NPHP1: variants seen among roughly 807,000 people sequenced by gnomAD.
NPHP1 encodes the protein nephrocystin 1, also known as nephrocystin-1.
A neutral mutation model predicts 90.4 loss-of-function variants in NPHP1; 70 were observed. The observed-to-expected ratio is 0.77, with a 90% CI of 0.64 to 0.95. The LOEUF (loss-of-function observed/expected upper bound fraction) is 0.95. Among genes scored for constraint, NPHP1 ranks in the 40% least tolerant of loss-of-function variants. The pLI is 0.00. For missense variants in NPHP1, 764 were observed against 795.9 expected (o/e 0.96, Z 0.48); for synonymous variants, 256 against 271.7 (o/e 0.94, Z 0.57).
intron 4 of NPHP1, among the ~76,000 whole-genome samples, chr2:110,177,659 T>C (rs934691724): frequency 6.6e-6 from 1 of 152,154 alleles, no homozygotes; most frequent in African/African-American, 2.4e-5. Flanking sequence ...AATACTCAAC[T>C]TGTATATGTA....
chr2:110,179,724 T>C (rs1683756902), intron 2 of NPHP1, 40 bp from the exon 3 acceptor site: 1 of 923,168 alleles, frequency 1.1e-6, no homozygotes, highest in Non-Finnish European at 1.7e-6. Flanking sequence ...GATTTTTCTA[T>C]TATCAGAACC....
chr2:110,128,675 A>G (rs760509111), intron 18 of NPHP1: 1 of 166,396 alleles, frequency 6.0e-6, no homozygotes, highest in Non-Finnish European at 1.3e-5. Context: ...CCTTGCATGC[A>G]TGCAGCTCTT....
intron 11 of NPHP1, among the ~76,000 whole-genome samples, chr2:110,158,222 C>T (rs139744320): frequency 5.9e-5 from 9 of 152,104 alleles, no homozygotes; most frequent in East Asian, 5.8e-4. Flanking sequence ...GACCCAGGAC[C>T]GTCTATATTG....
At chr2:110,204,835 C>T in intron 1 of NPHP1, 65 bp downstream of exon 1, 1 of 1,535,786 alleles carries the variant, frequency 6.5e-7, no homozygotes, top group Non-Finnish European at 9.0e-7. Flanking sequence ...GGTGGGAAGG[C>T]GCAGTGCGCG....
intron 2 of NPHP1, among the ~76,000 whole-genome samples, chr2:110,200,362 G>A (rs1374925565): frequency 2.6e-5 from 4 of 152,080 alleles, no homozygotes; most frequent in Admixed American, 6.6e-5. Flanking sequence ...TCAGGAGTTC[G>A]AAACCAGCCT....
At chr2:110,192,496 A>G (rs1684827303) in intron 2 of NPHP1, among the ~76,000 whole-genome samples, 1 of 152,176 alleles carries the variant, frequency 6.6e-6, no homozygotes, top group Admixed American at 6.5e-5. Flanking sequence ...TCCAAGAAAT[A>G]TGGGACTATG....
chr2:110,137,348 C>T (rs1338871432), intron 16 of NPHP1, among the ~76,000 whole-genome samples: 20 of 152,102 alleles, frequency 1.3e-4, no homozygotes, highest in East Asian at 5.8e-4. Flanking sequence ...CTAAAGAGCT[C>T]CTGCACAGCA....
intron 15 of NPHP1, chr2:110,144,076 T>A (rs1680839653): frequency 3.2e-6 from 1 of 313,716 alleles, no homozygotes; most frequent in Non-Finnish European, 6.0e-6. Context: ...TCTGTCTTGC[T>A]CTTCATTCTC....
intron 6 of NPHP1, 92 bp from the exon 7 acceptor site, chr2:110,165,247 A>T (rs1682645917): frequency 1.0e-6 from 1 of 971,856 alleles, no homozygotes; most frequent in African/African-American, 1.6e-5. Flanking sequence ...CTCCAGTAAA[A>T]ACAAAAACAA....
intron 1 of NPHP1, 66 bp downstream of exon 1, chr2:110,204,831 AAGG>A: frequency 6.6e-7 from 1 of 1,524,668 alleles, no homozygotes; most frequent in Non-Finnish European, 9.1e-7. Flanking sequence ...TCACGGTGGG[AAGG>A]CGCAGTGCGC....
chr2:110,146,777 G>A lies in NPHP1; in HGVS notation c.1328C>T (p.Ala443Val). The A allele has an allele frequency of 6.2e-7, 1 of 1,612,572 alleles. No homozygotes were observed. Among genetic ancestry groups the A allele is most frequent in the Non-Finnish European group, 8.5e-7 (1 of 1,178,652 alleles). The change falls in exon 14 of 20, where the codon GCC becomes GTC. Residue 443 changes from alanine (A) to valine (V), a missense_variant. Coordinates refer to ENST00000445609, the MANE Select transcript of NPHP1 (RefSeq NM_001128178.3). Reference protein sequence around the residue: ...CGWVFLKLFDASGVPIPAKTY... With the variant: ...CGWVFLKLFDVSGVPIPAKTY... ...CTTTGCTGGAATAGGAACTCCACTG[G>A]CATCAAAAAGTTTAAGAAACACCCA...
chr2:110,164,432 A>T (rs1425860659), intron 8 of NPHP1: 4 of 756,890 alleles, frequency 5.3e-6, no homozygotes, highest in Non-Finnish European at 9.4e-6. Context: ...AGCAGGATCA[A>T]TGAGAATGTT....
intron 2 of NPHP1, chr2:110,184,377 G>A (rs1043637084): frequency 3.6e-5 from 22 of 611,942 alleles, no homozygotes; most frequent in East Asian, 2.2e-4. Flanking sequence ...GGAGCATCTC[G>A]TGCTCCTCAC....
chr2:110,184,252 A>AAGGG (rs1334842729), intron 2 of NPHP1: 4 of 583,730 alleles, frequency 6.9e-6, no homozygotes, highest in Non-Finnish European at 1.3e-5. Flanking sequence ...AAGGAGCACC[A>AAGGG]AGGGCTGCTC....
At chr2:110,199,629 C>A (rs1041875924) in intron 2 of NPHP1, among the ~76,000 whole-genome samples, 2 of 151,210 alleles carry the variant, frequency 1.3e-5, no homozygotes, top group African/African-American at 2.4e-5. Flanking sequence ...CACATCCCCC[C>A]AAAAAAACAT....
chr2:110,166,588 A>T (rs1682744444), intron 6 of NPHP1, among the ~76,000 whole-genome samples: 1 of 152,168 alleles, frequency 6.6e-6, no homozygotes, highest in African/African-American at 2.4e-5. Context: ...AACTAAAGAG[A>T]TAACTCTAGG....
intron 2 of NPHP1, chr2:110,185,130 G>A (rs1684196426): frequency 1.7e-6 from 1 of 578,312 alleles, no homozygotes; most frequent in East Asian, 4.7e-5. Context: ...GGGTCTCCAA[G>A]AAGGAATATG....
At chr2:110,135,245 A>G (rs1680083622) in intron 16 of NPHP1, among the ~76,000 whole-genome samples, 1 of 152,004 alleles carries the variant, frequency 6.6e-6, no homozygotes, top group Admixed American at 6.5e-5. Flanking sequence ...AGATTTCAAA[A>G]TAATAATCTG....
At chr2:110,127,050 C>T (rs72826888) in intron 18 of NPHP1, 45,194 of 152,154 alleles carry the variant, frequency 0.3, 7,525 homozygotes, top group East Asian at 0.56. Context: ...ACTATACCTC[C>T]TTTGAAGTTA....
Sources: allele counts gnomAD v4.1 joint callset (sites outside exome capture counted in the v4.1 genomes callset), GRCh38; gene constraint gnomAD v4.1.1; transcripts MANE v1.5; gene names NCBI Gene and HGNC (gene_info 2026-07-23, HGNC 2026-07-21).